KAZN: variants seen among roughly 807,000 people sequenced by gnomAD.
KAZN encodes kazrin, periplakin interacting protein, also known as kazrin.
A neutral mutation model predicts 87.4 loss-of-function variants in KAZN; 40 were observed. That is an observed-to-expected ratio of 0.46 (90% CI 0.36 to 0.60). The LOEUF (loss-of-function observed/expected upper bound fraction) is 0.60, where lower values mean the gene tolerates loss of function less well. KAZN is among the 20% of genes least tolerant of loss of function. The pLI, the probability that KAZN is intolerant of heterozygous loss-of-function variation, is 0.00. For synonymous variants in KAZN, 466 were observed against 458.3 expected, an observed-to-expected ratio of 1.02 and a Z score of -0.22; for missense variants, 898 against 1,073.9, an observed-to-expected ratio of 0.84 and a Z score of 2.29.
chr1:14,210,347 T>A (rs994471389), intron 2 of KAZN, among the ~76,000 whole-genome samples: 1 of 152,194 alleles, frequency 6.6e-6, no homozygotes, highest in Non-Finnish European at 1.5e-5. Flanking sequence ...TCCCCAGCCA[T>A]GTGGAACTGT....
intron 1 of KAZN, among the ~76,000 whole-genome samples, chr1:14,762,624 C>A (rs1164246395): frequency 6.6e-6 from 1 of 151,910 alleles, no homozygotes; most frequent in African/African-American, 2.4e-5. Flanking sequence ...ACTCGGGAGG[C>A]TGAGGCAGGA....
intron 8 of KAZN, among the ~76,000 whole-genome samples, chr1:15,087,667 A>G (rs547391416): frequency 4.6e-5 from 7 of 152,316 alleles, no homozygotes; most frequent in Non-Finnish European, 8.8e-5. Flanking sequence ...GATTACAGGC[A>G]TGAGCCACCA....
chr1:14,208,035 C>T (rs1225366457), intron 2 of KAZN, among the ~76,000 whole-genome samples: 4 of 152,184 alleles, frequency 2.6e-5, no homozygotes, highest in East Asian at 3.9e-4. Context: ...TTGAAAATAT[C>T]GTTTACTGGA....
intron 1 of KAZN, among the ~76,000 whole-genome samples, chr1:14,707,596 A>G (rs1182081716): frequency 6.6e-6 from 1 of 152,124 alleles, no homozygotes; most frequent in African/African-American, 2.4e-5. Context: ...CTGTAATGCT[A>G]CAGAGGAGCC....
At chr1:14,756,254 A>G (rs935766413) in intron 1 of KAZN, among the ~76,000 whole-genome samples, 2 of 152,096 alleles carry the variant, frequency 1.3e-5, no homozygotes, top group Admixed American at 6.5e-5. Flanking sequence ...CTTCCTCATC[A>G]ATTAAGCCTG....
intron 2 of KAZN, among the ~76,000 whole-genome samples, chr1:14,565,563 C>T (rs1217186341): frequency 6.6e-6 from 1 of 152,192 alleles, no homozygotes; most frequent in Non-Finnish European, 1.5e-5. Context: ...ATTAACCCTT[C>T]CTTTCGTTAA....
chr1:14,373,377 G>GT (rs1409845689), intron 2 of KAZN, among the ~76,000 whole-genome samples: 4 of 152,174 alleles, frequency 2.6e-5, no homozygotes, highest in African/African-American at 7.2e-5. Flanking sequence ...TCCTGATGGT[G>GT]TAAGTCCCGG....
At chr1:14,681,019 G>A (rs979536436) in intron 1 of KAZN, among the ~76,000 whole-genome samples, 5 of 152,154 alleles carry the variant, frequency 3.3e-5, no homozygotes, top group African/African-American at 1.2e-4. Context: ...AAAAGGAAGA[G>A]CAAGAGAGAG....
At chr1:14,532,039 G>T (rs1672233781) in intron 2 of KAZN, among the ~76,000 whole-genome samples, 1 of 152,064 alleles carries the variant, frequency 6.6e-6, no homozygotes, top group South Asian at 2.1e-4. Flanking sequence ...TTCATAGAAT[G>T]GATTCCCGGC....
chr1:13,939,166 T>C (rs1008059236), intron 1 of KAZN, among the ~76,000 whole-genome samples: 4 of 152,258 alleles, frequency 2.6e-5, no homozygotes, highest in African/African-American at 9.6e-5. Context: ...GATAATGCTT[T>C]GTATTTCTCT....
intron 2 of KAZN, among the ~76,000 whole-genome samples, chr1:14,330,654 G>C (rs1044110910): frequency 6.6e-6 from 1 of 152,072 alleles, no homozygotes; most frequent in African/African-American, 2.4e-5. Flanking sequence ...ATCAGGGACT[G>C]TGTCTCTCTG....
intron 1 of KAZN, among the ~76,000 whole-genome samples, chr1:14,659,931 C>G (rs1639042812): frequency 6.6e-6 from 1 of 151,956 alleles, no homozygotes; most frequent in Non-Finnish European, 1.5e-5. Flanking sequence ...AACACAAAAC[C>G]CAGTACATTA....
intron 2 of KAZN, among the ~76,000 whole-genome samples, chr1:14,534,070 A>G (rs1206917775): frequency 1.3e-5 from 2 of 152,134 alleles, no homozygotes; most frequent in Non-Finnish European, 1.5e-5. Context: ...TCAGTACCCA[A>G]TGAAACCCTT....
At chr1:14,518,470 C>G (rs1483638836) in intron 2 of KAZN, among the ~76,000 whole-genome samples, 1 of 152,150 alleles carries the variant, frequency 6.6e-6, no homozygotes, top group African/African-American at 2.4e-5. Flanking sequence ...AGCCACTGCA[C>G]CCAGCCTGTT....
chr1:14,998,988 A>C (rs1668183444), intron 2 of KAZN, among the ~76,000 whole-genome samples: 1 of 152,246 alleles, frequency 6.6e-6, no homozygotes, highest in East Asian at 1.9e-4. Context: ...TGGGAACAAC[A>C]GTCACCAGGT....
intron 1 of KAZN, among the ~76,000 whole-genome samples, chr1:13,961,720 C>T (rs1641760896): frequency 6.6e-6 from 1 of 152,132 alleles, no homozygotes; most frequent in Admixed American, 6.5e-5. Context: ...AGACAAGGAC[C>T]ATACCTGACC....
chr1:14,930,140 C>T, intron 1 of KAZN: 1 of 919,200 alleles, frequency 1.1e-6, no homozygotes, highest in African/African-American at 1.8e-5. Flanking sequence ...TGGGGCCCGT[C>T]CTCAGTCTAC....
chr1:14,565,832 C>T (rs557984827), intron 2 of KAZN, among the ~76,000 whole-genome samples: 9 of 152,192 alleles, frequency 5.9e-5, no homozygotes, highest in Non-Finnish European at 8.8e-5. Flanking sequence ...TCCAGTAATT[C>T]AGTCACATCT....
chr1:14,655,774 A>G (rs902212153), intron 1 of KAZN, among the ~76,000 whole-genome samples: 2 of 152,188 alleles, frequency 1.3e-5, no homozygotes, highest in Non-Finnish European at 2.9e-5. Context: ...ACATGCTGCT[A>G]CGGGTCTAGG....
Sources: gnomAD v4.1 joint callset for allele counts (sites outside exome capture counted in the v4.1 genomes callset) on GRCh38, gnomAD v4.1.1 for gene constraint, MANE v1.5 for transcripts, NCBI Gene and HGNC (gene_info 2026-07-23, HGNC 2026-07-21) for gene names.